The following R3HDM1 variants were observed in gnomAD, a reference collection of about 807,000 sequenced individuals.
R3HDM1 encodes R3H domain-containing protein 1.
R3HDM1 carries 46 observed loss-of-function variants against 141.1 expected under a neutral mutation model. The observed-to-expected ratio is 0.33, with a 90% CI of 0.26 to 0.42. The LOEUF (loss-of-function observed/expected upper bound fraction) is 0.42. R3HDM1 is among the 10% of genes least tolerant of loss of function. The probability of loss-of-function intolerance (pLI) is 1.00; values close to 1 mark genes in which losing one functional copy is unlikely to be tolerated. For synonymous variants in R3HDM1, 435 were observed against 472.9 expected, an observed-to-expected ratio of 0.92 and a Z score of 1.04; for missense variants, 1,184 against 1,368.3, an observed-to-expected ratio of 0.87 and a Z score of 2.12.
chr2:135,706,935 C>T, intron 21 of R3HDM1, among the ~76,000 whole-genome samples: 1 of 152,194 alleles, frequency 6.6e-6, no homozygotes, highest in African/African-American at 2.4e-5. Flanking sequence ...AGGGGCTCCT[C>T]ACTTCCCAGT....
intron 1 of R3HDM1, among the ~76,000 whole-genome samples, chr2:135,558,138 C>T (rs967372985): frequency 1.2e-4 from 18 of 152,124 alleles, no homozygotes; most frequent in Non-Finnish European, 2.4e-4. Context: ...GCAGCTGATA[C>T]GAAAACATCA....
chr2:135,641,677 C>T lies in R3HDM1; in HGVS notation c.1361C>T (p.Ser454Phe), dbSNP rs764186137. 9 of 1,614,026 alleles carry T rather than the reference C, an allele frequency of 5.6e-6. No homozygotes were observed. In the East Asian group the frequency reaches 2.0e-4, roughly 36 times the overall value. The change falls in exon 15 of 27, where the codon TCC (serine) becomes TTC (phenylalanine). Residue 454 changes from serine to phenylalanine, a missense_variant. Coordinates refer to ENST00000683871, the MANE Select transcript of R3HDM1 (RefSeq NM_001378107.1). ...YPTVSTHSSL[S>F]FDGGLNGQVA... ...ACTGTCAGCACTCATAGTTCTCTTT[C>T]CTTTGATGGTGGCCTAAATGGGCAA...
At chr2:135,670,787 G>A (rs1284969090) in intron 19 of R3HDM1, among the ~76,000 whole-genome samples, 1 of 152,100 alleles carries the variant, frequency 6.6e-6, no homozygotes, top group East Asian at 1.9e-4. Context: ...GCCAGGTGCC[G>A]TGGCACACCC....
At chr2:135,532,696 A>G (rs1245339687) in intron 1 of R3HDM1, among the ~76,000 whole-genome samples, 1 of 152,206 alleles carries the variant, frequency 6.6e-6, no homozygotes, top group African/African-American at 2.4e-5. Flanking sequence ...AAGTCTACCC[A>G]TTTATAATAT....
intron 5 of R3HDM1, among the ~76,000 whole-genome samples, chr2:135,621,047 G>A (rs2061470421): frequency 6.6e-6 from 1 of 151,988 alleles, no homozygotes; most frequent in Non-Finnish European, 1.5e-5. Context: ...GAAGGAATGT[G>A]TGATTATAAT....
chr2:135,564,616 A>G (rs867937859), intron 1 of R3HDM1, among the ~76,000 whole-genome samples: 17 of 152,338 alleles, frequency 1.1e-4, no homozygotes, highest in African/African-American at 3.4e-4. Flanking sequence ...CACCAGGCCC[A>G]GCCTAAATGT....
chr2:135,635,751 G>A, intron 9 of R3HDM1, 139 bp from the exon 10 acceptor site: 1 of 1,021,558 alleles, frequency 9.8e-7, no homozygotes, highest in Non-Finnish European at 1.4e-6. Flanking sequence ...GACTAAATGA[G>A]ACTGCATAAG....
chr2:135,631,684 T>C (rs1039616777), intron 7 of R3HDM1, 34 bp from the exon 8 acceptor site: 10 of 1,511,414 alleles, frequency 6.6e-6, no homozygotes, highest in Non-Finnish European at 8.9e-6. Context: ...CATTGCTAAG[T>C]TTTACATATA....
At chr2:135,533,948 A>G (rs1695494828) in intron 1 of R3HDM1, 1 of 959,164 alleles carries the variant, frequency 1.0e-6, no homozygotes, top group Non-Finnish European at 1.2e-6. Flanking sequence ...AGTTTGTGCA[A>G]TAAATATTAA....
At chr2:135,552,577 G>A (rs191317214) in intron 1 of R3HDM1, among the ~76,000 whole-genome samples, 1 of 152,256 alleles carries the variant, frequency 6.6e-6, no homozygotes, top group Non-Finnish European at 1.5e-5. Context: ...AGTGACTTGA[G>A]AGTGACAATC....
At chr2:135,685,583 G>T (rs1320115329) in intron 21 of R3HDM1, among the ~76,000 whole-genome samples, 1 of 152,146 alleles carries the variant, frequency 6.6e-6, no homozygotes, top group Admixed American at 6.5e-5. Flanking sequence ...TGACTAATTG[G>T]TTAGTCTTCT....
At chr2:135,662,845 T>G (rs2066906363) in intron 19 of R3HDM1, among the ~76,000 whole-genome samples, 1 of 152,216 alleles carries the variant, frequency 6.6e-6, no homozygotes, top group African/African-American at 2.4e-5. Context: ...TGTTTTTTCT[T>G]GATTTTTTTC....
At chr2:135,538,493 ATT>A (rs1696724279) in intron 1 of R3HDM1, among the ~76,000 whole-genome samples, 1 of 152,252 alleles carries the variant, frequency 6.6e-6, no homozygotes, top group South Asian at 2.1e-4. Context: ...ATTTTAAAAA[ATT>A]TTTAAAGTTT....
chr2:135,697,344 T>TA (rs1183472920), intron 21 of R3HDM1, among the ~76,000 whole-genome samples: 1 of 152,232 alleles, frequency 6.6e-6, no homozygotes, highest in Non-Finnish European at 1.5e-5. Context: ...TTTTAACTCC[T>TA]AAGTGACCAT....
intron 21 of R3HDM1, among the ~76,000 whole-genome samples, chr2:135,707,579 C>G (rs2075105533): frequency 6.6e-6 from 1 of 152,142 alleles, no homozygotes; most frequent in Admixed American, 6.5e-5. Flanking sequence ...CCTGAGTATT[C>G]CCTTCCCTTT....
chr2:135,573,206 A>G (rs906494056), intron 1 of R3HDM1, among the ~76,000 whole-genome samples: 1 of 152,266 alleles, frequency 6.6e-6, no homozygotes, highest in Admixed American at 6.5e-5. Context: ...GGACTTCCAA[A>G]TAGCTAAAGA....
intron 1 of R3HDM1, 62 bp downstream of exon 1, chr2:135,531,695 C>A: frequency 1.0e-6 from 1 of 986,158 alleles, no homozygotes; most frequent in Non-Finnish European, 1.2e-6. Context: ...TGCTCCCCTC[C>A]CCCGCCCGCC....
At chr2:135,588,732 T>C (rs557533803) in intron 1 of R3HDM1, among the ~76,000 whole-genome samples, 2 of 152,270 alleles carry the variant, frequency 1.3e-5, no homozygotes, top group African/African-American at 4.8e-5. Context: ...TCCATTAATT[T>C]TTAAGATTTA....
chr2:135,675,182 A>G, intron 19 of R3HDM1, 150 bp from the exon 20 acceptor site: 1 of 754,818 alleles, frequency 1.3e-6, no homozygotes, highest in Non-Finnish European at 2.0e-6. Flanking sequence ...TTGGGCTAAA[A>G]TGTTATTTCA....
Sources: gnomAD v4.1 joint callset for allele counts (sites outside exome capture counted in the v4.1 genomes callset) on GRCh38, gnomAD v4.1.1 for gene constraint, MANE v1.5 for transcripts, NCBI Gene and HGNC (gene_info 2026-07-23, HGNC 2026-07-21) for gene names.